SPATA21: variants seen among roughly 807,000 people sequenced by gnomAD.
The protein encoded by SPATA21 is spermatogenesis associated 21.
SPATA21 carries 47 observed loss-of-function variants against 54.8 expected under a neutral mutation model. That is an observed-to-expected ratio of 0.86 (90% CI 0.68 to 1.09). SPATA21 has a LOEUF of 1.09. Among genes scored for constraint, SPATA21 ranks in the 50% least tolerant of loss-of-function variants. SPATA21 has a pLI of 0.00. For synonymous variants in SPATA21, 245 were observed against 235.3 expected, an observed-to-expected ratio of 1.04 and a Z score of -0.38; for missense variants, 599 against 596.4, an observed-to-expected ratio of 1.00 and a Z score of -0.05.
intron 3 of SPATA21, among the ~76,000 whole-genome samples, chr1:16,423,173 A>G (rs2086218916): frequency 6.9e-6 from 1 of 145,420 alleles, no homozygotes; most frequent in Admixed American, 6.9e-5. Context: ...AAAAATAATA[A>G]AGGCCTAAGT....
chr1:16,412,525 C>T (rs912529459), intron 5 of SPATA21, among the ~76,000 whole-genome samples: 5 of 151,958 alleles, frequency 3.3e-5, no homozygotes, highest in South Asian at 2.1e-4. Flanking sequence ...GGTAGTGGCA[C>T]GATCTTGGCT....
At chr1:16,425,462 GC>G in intron 3 of SPATA21, 1 of 1,485,444 alleles carries the variant, frequency 6.7e-7, no homozygotes, top group Non-Finnish European at 9.1e-7. Context: ...TAGGAGGGGG[GC>G]TCTTTCACCT....
At chr1:16,418,713 G>T (rs2086086692) in intron 5 of SPATA21, among the ~76,000 whole-genome samples, 1 of 151,988 alleles carries the variant, frequency 6.6e-6, no homozygotes, top group South Asian at 2.1e-4. Context: ...GACAACAGGT[G>T]CACGCCACCA....
rs534401870 is a variant in SPATA21, at chr1:16,422,582, T to C, written c.35-611A>G. The stretch of plus-strand genomic sequence containing the variant: ...GTGCAGTGGCAAGAACACAGCTCAT[T>C]GTAGCCTTGACCTCCTGAGCTCAAG... On this transcript the variant is annotated intron_variant, in intron 3 of 12. Transcript: ENST00000335496. Among the ~76,000 whole-genome samples the C allele has an allele frequency of 2.6e-4, 39 of 151,974 alleles. No individual in the cohort carries two copies. The East Asian group carries it at 6.4e-3, about 25-fold the overall frequency.
intron 5 of SPATA21, among the ~76,000 whole-genome samples, chr1:16,417,584 C>A (rs898598221): frequency 6.6e-6 from 1 of 152,040 alleles, no homozygotes; most frequent in Non-Finnish European, 1.5e-5. Flanking sequence ...CCTGCCACCA[C>A]GCCTGGCTAA....
At chr1:16,425,090 A>G in intron 3 of SPATA21, 1 of 364,676 alleles carries the variant, frequency 2.7e-6, no homozygotes, top group South Asian at 2.0e-5. Flanking sequence ...GGCTAATTTT[A>G]TATTTTTTAG....
chr1:16,422,240 C>T, intron 3 of SPATA21: 1 of 1,391,856 alleles, frequency 7.2e-7, no homozygotes, highest in South Asian at 1.6e-5. Context: ...CATCCTCGTT[C>T]CCAGGTGAAC....
intron 5 of SPATA21, among the ~76,000 whole-genome samples, chr1:16,419,086 A>G (rs2086098801): frequency 6.6e-6 from 1 of 152,196 alleles, no homozygotes. Context: ...AAAGACAATA[A>G]AACAGGACAA....
chr1:16,415,214 G>A (rs2100836584), intron 5 of SPATA21, among the ~76,000 whole-genome samples: 1 of 152,282 alleles, frequency 6.6e-6, no homozygotes, highest in East Asian at 1.9e-4. Flanking sequence ...GCTCGCGCCT[G>A]TACTATCAGC....
rs56079675 is a variant in SPATA21, at chr1:16,428,690, ATCAC to A, written c.34+2644_34+2647del. 0.017 allele frequency among the ~76,000 whole-genome samples: 2,613 copies of A among 152,044 alleles called. 46 individuals carry two copies. The highest frequency in any genetic ancestry group is 0.029 in the Non-Finnish European group (1,962 of 67,964). ...CGCACCTGGCCTGAACTGGGTTTTG[ATCAC>A]TATCATGGTCTGTCACTCTCCAACT... On this transcript the variant is annotated intron_variant, in intron 3 of 12. Coordinates refer to ENST00000335496, the MANE Select transcript of SPATA21 (RefSeq NM_198546.1). This position sits in a 1 kb window ranked among gnomAD's most constrained non-coding sequence, Gnocchi z 4.3.
rs767790602 is a variant in SPATA21, at chr1:16,409,085, G to C, written c.673+33C>G. 1.4e-5 allele frequency: 22 copies of C among 1,610,450 alleles called. No homozygotes were observed. In the South Asian group the frequency reaches 2.4e-4, roughly 18 times the overall value. On this transcript the variant is annotated intron_variant, in intron 7 of 12. Coordinates refer to ENST00000335496, the MANE Select transcript of SPATA21 (RefSeq NM_198546.1). The surrounding 1 kb of genome is among the most constrained non-coding windows in gnomAD (Gnocchi z 4.1). ...CCCCCAAGGACCAAGGGTCCTGCCT[G>C]TGCTGGGACCTCCCTGACCTCCCTG...
At chr1:16,435,245 G>A (rs1308250526) in intron 1 of SPATA21, among the ~76,000 whole-genome samples, 7 of 152,090 alleles carry the variant, frequency 4.6e-5, no homozygotes, top group Non-Finnish European at 1.0e-4. Flanking sequence ...CCCAATGGCC[G>A]ATAATGTTGG....
At chr1:16,398,039 G>T, downstream of SPATA21, 1 of 892,688 alleles carries the variant, frequency 1.1e-6, no homozygotes, top group Non-Finnish European at 1.3e-6. Context: ...CTCTGCTGGT[G>T]TAGCGGGCAG....
intron 3 of SPATA21, among the ~76,000 whole-genome samples, chr1:16,429,891 G>A (rs184221210): frequency 4.0e-4 from 61 of 150,958 alleles, no homozygotes; most frequent in Non-Finnish European, 5.5e-4. Flanking sequence ...CCAGTGGGGC[G>A]CAGTGGCTCA....
At position 16,421,620 on chromosome 1, in the gene SPATA21, T is replaced by A; in HGVS notation, c.96-63A>T. On this transcript the variant is annotated intron_variant, in intron 4 of 12. Coordinates refer to ENST00000335496, the MANE Select transcript of SPATA21 (RefSeq NM_198546.1). This position sits in a 1 kb window ranked among gnomAD's most constrained non-coding sequence, Gnocchi z 5.2. ...CAGCTGAAGGTTTGCCCCCCTGCCC[T>A]CCCCTCTCAGCCCCCAGGACACTCA... 6.6e-7 allele frequency: 1 copy of A among 1,507,910 alleles called. No individual in the cohort carries two copies. The highest frequency in any genetic ancestry group is 9.0e-7 in the Non-Finnish European group (1 of 1,107,016). 93.4% of individuals were successfully genotyped at this position (1,507,910 alleles called of 1,614,324 possible).
chr1:16,407,933 T>C (rs2085699117), intron 7 of SPATA21, among the ~76,000 whole-genome samples: 3 of 152,202 alleles, frequency 2.0e-5, no homozygotes, highest in Admixed American at 2.0e-4. Flanking sequence ...GTCCGGCTAA[T>C]TTTTAAAGTT....
intron 1 of SPATA21, among the ~76,000 whole-genome samples, chr1:16,434,431 G>A (rs1290392382): frequency 6.6e-6 from 1 of 151,928 alleles, no homozygotes; most frequent in Non-Finnish European, 1.5e-5. Context: ...TGGGACTACA[G>A]ACGCATGCCA....
chr1:16,404,746 G>A (rs1487124103), intron 8 of SPATA21, among the ~76,000 whole-genome samples: 1 of 152,182 alleles, frequency 6.6e-6, no homozygotes, highest in African/African-American at 2.4e-5. Context: ...GGAGGTCGAG[G>A]CTGTGGTGAG....
chr1:16,409,603 C>A lies in SPATA21; in HGVS notation c.585G>T (p.Ala195=). ...GGGTGAGCAGCGGGGGCTCCTACCGCGCCTTGGCGTAGCTCAGGGTTCTCT... is the reference window on the plus strand; with the variant it reads ...GGGTGAGCAGCGGGGGCTCCTACCGAGCCTTGGCGTAGCTCAGGGTTCTCT... ...SSERTLSYAK[A]RQEPEEQSLQ... The change falls in exon 6 of 13, where the codon GCG becomes GCT. Residue 195 remains alanine (A), a splice_region_variant and synonymous_variant. Transcript: ENST00000335496. This position sits in a 1 kb window ranked among gnomAD's most constrained non-coding sequence, Gnocchi z 4.1. 2 of 1,610,038 alleles carry A rather than the reference C, an allele frequency of 1.2e-6. No individual in the cohort carries two copies. The highest frequency in any genetic ancestry group is 2.2e-5 in the East Asian group (1 of 44,836).
Sources: gnomAD v4.1 joint callset for allele counts (sites outside exome capture counted in the v4.1 genomes callset) on GRCh38, gnomAD v4.1.1 for gene constraint, Gnocchi (gnomAD v3.1) non-coding constraint, MANE v1.5 for transcripts, NCBI Gene and HGNC (gene_info 2026-07-23, HGNC 2026-07-21) for gene names.